Variants in CLDN14 observed in about 807,000 individuals in gnomAD.
The protein encoded by CLDN14 is claudin-14.
Under a neutral mutation model 2.1 loss-of-function variants are expected in CLDN14, and 2 were observed. That is an observed-to-expected ratio of 0.96 (90% CI 0.39 to 3.01). The LOEUF (loss-of-function observed/expected upper bound fraction) is 3.01, where lower values mean the gene tolerates loss of function less well. Ranked by LOEUF, CLDN14 falls within the 30% of genes most tolerant of loss-of-function variation. The pLI, the probability that CLDN14 is intolerant of heterozygous loss-of-function variation, is 0.09. For missense variants in CLDN14, 298 were observed against 328.0 expected, an observed-to-expected ratio of 0.91 and a Z score of 0.71; for synonymous variants, 136 against 154.4, an observed-to-expected ratio of 0.88 and a Z score of 0.88.
chr21:36,476,885 G>T (rs898007517), intron 1 of CLDN14, among the ~76,000 whole-genome samples: 2 of 152,194 alleles, frequency 1.3e-5, no homozygotes, highest in African/African-American at 4.8e-5. Context: ...GAATTAATTG[G>T]GTCAGGTATG....
chr21:36,547,361 T>C (rs540805657), intron 1 of CLDN14, among the ~76,000 whole-genome samples: 54 of 152,340 alleles, frequency 3.5e-4, no homozygotes, highest in Middle Eastern at 3.4e-3. Flanking sequence ...TTGAAATACA[T>C]TTGAATAACA....
rs73902554 is a variant in CLDN14 at position 36,514,596 on chromosome 21, G to A, written c.-219-4096C>T. On this transcript the variant is annotated intron_variant, in intron 1 of 2. Transcript: ENST00000342108. ...GAGCTGTGCACCCGAAGAGAGAAGG[G>A]GAAATAAAGTCTTATCGTGAGAGAA... Among the ~76,000 whole-genome samples the A allele has an allele frequency of 6.8e-3, 1,012 of 148,382 alleles. 15 individuals are homozygous for A. Among genetic ancestry groups the A allele is most frequent in the African/African-American group, 0.024 (970 of 40,520 alleles).
chr21:36,511,601 G>C (rs1391191476), intron 1 of CLDN14, among the ~76,000 whole-genome samples: 1 of 151,986 alleles, frequency 6.6e-6, no homozygotes, highest in Non-Finnish European at 1.5e-5. Flanking sequence ...CCCACACTTC[G>C]AGAGTCCTCC....
intron 1 of CLDN14, among the ~76,000 whole-genome samples, chr21:36,529,317 CTCTG>C (rs1601625350): frequency 6.6e-6 from 1 of 151,884 alleles, no homozygotes; most frequent in African/African-American, 2.4e-5. Flanking sequence ...GGGTGTCTTG[CTCTG>C]TCTGTCGCCC....
intron 2 of CLDN14, among the ~76,000 whole-genome samples, chr21:36,494,808 A>G (rs1315960942): frequency 6.6e-6 from 1 of 152,204 alleles, no homozygotes; most frequent in Non-Finnish European, 1.5e-5. Context: ...GTGAGACAAT[A>G]AATGCCTGTT....
chr21:36,564,657 C>T (rs2087660000), intron 1 of CLDN14, among the ~76,000 whole-genome samples: 1 of 152,116 alleles, frequency 6.6e-6, no homozygotes, highest in Non-Finnish European at 1.5e-5. Flanking sequence ...ACGCCCATGC[C>T]CTCATCTCCA....
In CLDN14 at chr21:36,499,748, G is replaced by A. The variant is rs934225838; in HGVS notation, c.-82+10615C>T. Among the ~76,000 whole-genome samples the A allele has an allele frequency of 6.6e-6, 1 of 152,182 alleles. No homozygotes were observed. The highest frequency in any genetic ancestry group is 1.9e-4 in the East Asian group (1 of 5,186). ...GACTACAGAGCCAAAGACAAATCGA[G>A]TGACGTATTCTAGCTCATGGAGCCA... is the stretch of plus-strand genomic sequence containing the variant. On this transcript the variant is annotated intron_variant, in intron 2 of 2. Coordinates refer to the CLDN14 transcript ENST00000342108. This position sits in a 1 kb window ranked among gnomAD's most constrained non-coding sequence, Gnocchi z 4.7.
At chr21:36,543,596 G>A (rs1045767960) in intron 1 of CLDN14, among the ~76,000 whole-genome samples, 1 of 152,106 alleles carries the variant, frequency 6.6e-6, no homozygotes, top group Non-Finnish European at 1.5e-5. Flanking sequence ...TAGCACTTTG[G>A]CTTTACATAA....
chr21:36,532,264 G>A (rs941865060), intron 1 of CLDN14: 1 of 152,094 alleles, frequency 6.6e-6, no homozygotes, highest in African/African-American at 2.4e-5. Flanking sequence ...CGCAGCACCA[G>A]GGATTTCCCA....
chr21:36,556,536 C>G (rs1388678047), intron 1 of CLDN14, among the ~76,000 whole-genome samples: 1 of 152,218 alleles, frequency 6.6e-6, no homozygotes, highest in Non-Finnish European at 1.5e-5. Flanking sequence ...GGCAAATTTT[C>G]TAACTCCCTG....
chr21:36,474,241 C>T (rs2086746464), intron 1 of CLDN14, among the ~76,000 whole-genome samples: 1 of 152,216 alleles, frequency 6.6e-6, no homozygotes, highest in South Asian at 2.1e-4. Context: ...TTCCTTCAAT[C>T]CTGAATGTAG....
intron 2 of CLDN14, chr21:36,487,051 C>A: frequency 4.0e-6 from 1 of 248,032 alleles, no homozygotes. Context: ...ATGGCGCAAT[C>A]TCAGCTCACT....
intron 1 of CLDN14, among the ~76,000 whole-genome samples, chr21:36,550,009 C>T (rs998614987): frequency 1.3e-5 from 2 of 152,206 alleles, no homozygotes; most frequent in Non-Finnish European, 2.9e-5. Context: ...TGCTCTGTCC[C>T]CAGCAGCTAC....
In CLDN14 at chr21:36,486,777, C is replaced by A. The variant is rs940637072; in HGVS notation, c.-82+23586G>T. 9 of 804,590 alleles carry A rather than the reference C, an allele frequency of 1.1e-5. No individual in the cohort carries two copies. In the South Asian group the frequency reaches 1.3e-4, roughly 12 times the overall value. The allele number at this position is 804,590 out of a possible 1,614,324, so 49.8% of individuals were successfully genotyped here. ...GGCTTCCCACGAAGGCAATGATATG[C>A]GTCTTGTGATTCTTGCCCCGTCAGC... On this transcript the variant is annotated intron_variant, in intron 2 of 2. Coordinates refer to the CLDN14 transcript ENST00000342108.
At chr21:36,540,074 G>A (rs995709763) in intron 1 of CLDN14, among the ~76,000 whole-genome samples, 1 of 150,792 alleles carries the variant, frequency 6.6e-6, no homozygotes, top group Non-Finnish European at 1.5e-5. Flanking sequence ...TGTGGAGTGA[G>A]TGTGTGTTGT....
chr21:36,471,506 C>T (rs56866008), intron 1 of CLDN14, among the ~76,000 whole-genome samples: 2,166 of 152,220 alleles, frequency 0.014, 36 homozygotes, highest in African/African-American at 0.047. Context: ...TGGTGACTGA[C>T]CTTTTCAGGC....
At chr21:36,529,722 C>A (rs1396577672) in intron 1 of CLDN14, among the ~76,000 whole-genome samples, 3 of 152,206 alleles carry the variant, frequency 2.0e-5, no homozygotes, top group African/African-American at 4.8e-5. Context: ...TAAACACTTA[C>A]CATTATCTGA....
rs1042580685 is a variant in CLDN14, at chr21:36,551,749, G to T, written c.-220+24662C>A. On this transcript the variant is annotated intron_variant, in intron 1 of 2. Coordinates refer to the CLDN14 transcript ENST00000342108. The surrounding 1 kb of genome is among the most constrained non-coding windows in gnomAD (Gnocchi z 4.8). ...TCACAGCAGGGGGACAAATTTTCAC[G>T]TGAAAAGAACAATCACATCAAGCAA... Among the ~76,000 whole-genome samples the T allele has an allele frequency of 1.3e-5, 2 of 152,112 alleles. No homozygotes were observed. The highest frequency in any genetic ancestry group is 2.4e-5 in the African/African-American group (1 of 41,408).
chr21:36,515,840 G>A (rs1199233750), intron 1 of CLDN14, among the ~76,000 whole-genome samples: 2 of 141,512 alleles, frequency 1.4e-5, no homozygotes, highest in Non-Finnish European at 3.0e-5. Flanking sequence ...AGGCTGGAGT[G>A]CATTGGCACG....
Sources: allele counts gnomAD v4.1 joint callset (sites outside exome capture counted in the v4.1 genomes callset), GRCh38; gene constraint gnomAD v4.1.1; non-coding constraint Gnocchi (gnomAD v3.1); transcripts MANE v1.5; gene names NCBI Gene and HGNC (gene_info 2026-07-23, HGNC 2026-07-21).